The following KCNN2 variants were observed in gnomAD, a reference collection of about 807,000 sequenced individuals.
KCNN2 encodes potassium calcium-activated channel subfamily N member 2, also known as small conductance calcium-activated potassium channel protein 2.
KCNN2 carries 24 observed loss-of-function variants against 55.5 expected under a neutral mutation model. The ratio of observed to expected loss-of-function variants is 0.43; its 90% CI spans 0.31 to 0.61. KCNN2 has a LOEUF of 0.61. Among genes scored for constraint, KCNN2 ranks in the 20% least tolerant of loss-of-function variants. KCNN2 has a pLI of 0.08. For missense variants in KCNN2, 754 were observed against 853.6 expected, an observed-to-expected ratio of 0.88 and a Z score of 1.45; for synonymous variants, 431 against 336.1, an observed-to-expected ratio of 1.28 and a Z score of -3.09.
intron 2 of KCNN2, among the ~76,000 whole-genome samples, chr5:114,310,541 G>GGA (rs1357038067): frequency 1.3e-5 from 2 of 152,060 alleles, no homozygotes; most frequent in East Asian, 3.9e-4. Context: ...CAGTTCTGGG[G>GGA]GACTGTGCAG....
In KCNN2 at chr5:114,177,511, A is replaced by AT. The variant is rs1554073192; in HGVS notation, c.-270-43963dup. 5.3e-5 allele frequency among the ~76,000 whole-genome samples: 8 copies of AT among 151,286 alleles called. No individual in the cohort carries two copies. In the East Asian group the frequency reaches 7.8e-4, roughly 15 times the overall value. ...ATTCTATATATCCATATATATATAT[A>AT]TTTTTTCCATTAGCCTTGGGGGACT... is the stretch of plus-strand genomic sequence containing the variant. On this transcript the variant is annotated intron_variant, in intron 1 of 10. Transcript: ENST00000512097.
chr5:114,066,606 G>A (rs1023624543), intron 1 of KCNN2, among the ~76,000 whole-genome samples: 3 of 152,102 alleles, frequency 2.0e-5, no homozygotes, highest in Non-Finnish European at 4.4e-5. Flanking sequence ...ACGAAATCTC[G>A]CTCTGTCTCT....
At chr5:114,431,774 G>T (rs1456736776) in intron 3 of KCNN2, among the ~76,000 whole-genome samples, 2 of 151,864 alleles carry the variant, frequency 1.3e-5, no homozygotes, top group Non-Finnish European at 2.9e-5. Context: ...TTGATACATT[G>T]TATTTTCAAT....
chr5:114,241,798 ATATATACG>A (rs1561537223), intron 2 of KCNN2, among the ~76,000 whole-genome samples: 637 of 37,140 alleles, frequency 0.017, 209 homozygotes, highest in Middle Eastern at 0.058. Context: ...ATATATGTAT[ATATATACG>A]TATATATATA....
intron 2 of KCNN2, among the ~76,000 whole-genome samples, chr5:114,318,004 G>A (rs1035779820): frequency 6.6e-6 from 1 of 152,124 alleles, no homozygotes; most frequent in Non-Finnish European, 1.5e-5. Context: ...CAGTACACGT[G>A]GATGTTTATT....
chr5:114,478,619 T>C (rs1363880599), intron 5 of KCNN2, among the ~76,000 whole-genome samples: 1 of 148,956 alleles, frequency 6.7e-6, no homozygotes, highest in Non-Finnish European at 1.5e-5. Flanking sequence ...AAGGTCAAAA[T>C]GCAAGAAAAA....
chr5:114,340,769 C>G (rs1757002572), intron 2 of KCNN2, among the ~76,000 whole-genome samples: 1 of 152,124 alleles, frequency 6.6e-6, no homozygotes, highest in African/African-American at 2.4e-5. Flanking sequence ...TCAGTAGTCA[C>G]TGTACTATAG....
intron 2 of KCNN2, among the ~76,000 whole-genome samples, chr5:114,382,485 C>T (rs759421092): frequency 6.6e-6 from 1 of 152,130 alleles, no homozygotes; most frequent in South Asian, 2.1e-4. Context: ...TCTCTAGTCT[C>T]GTGTTTACTC....
At chr5:114,131,487 C>A (rs1752071248) in intron 1 of KCNN2, among the ~76,000 whole-genome samples, 1 of 152,162 alleles carries the variant, frequency 6.6e-6, no homozygotes, top group Non-Finnish European at 1.5e-5. Context: ...GCATAGTATT[C>A]CATGGTGTAT....
chr5:114,265,695 A>G (rs1325102278), intron 2 of KCNN2, among the ~76,000 whole-genome samples: 1 of 152,182 alleles, frequency 6.6e-6, no homozygotes, highest in Non-Finnish European at 1.5e-5. Context: ...TGCTAATCTT[A>G]TCCCAAGTCA....
intron 2 of KCNN2, among the ~76,000 whole-genome samples, chr5:114,399,196 TA>T (rs1458252746): frequency 6.6e-6 from 1 of 152,174 alleles, no homozygotes; most frequent in Non-Finnish European, 1.5e-5. Flanking sequence ...AGATTGCTCT[TA>T]TTATTTTAAA....
At chr5:114,125,781 T>C (rs1751918649) in intron 1 of KCNN2, among the ~76,000 whole-genome samples, 1 of 152,216 alleles carries the variant, frequency 6.6e-6, no homozygotes, top group Non-Finnish European at 1.5e-5. Context: ...TCTCCCTGTG[T>C]CTTTACAGCA....
intron 2 of KCNN2, among the ~76,000 whole-genome samples, chr5:114,384,355 A>G (rs1395714138): frequency 6.6e-6 from 1 of 152,178 alleles, no homozygotes; most frequent in Non-Finnish European, 1.5e-5. Context: ...AATATGTATT[A>G]TTTATTCTTT....
At chr5:114,215,883 T>A (rs1314840527) in intron 1 of KCNN2, among the ~76,000 whole-genome samples, 1 of 152,128 alleles carries the variant, frequency 6.6e-6, no homozygotes, top group Non-Finnish European at 1.5e-5. Context: ...GTACCTAGAA[T>A]AAGACTAAGA....
chr5:114,294,576 G>T (rs1285483377), intron 2 of KCNN2, among the ~76,000 whole-genome samples: 1 of 151,462 alleles, frequency 6.6e-6, no homozygotes, highest in Non-Finnish European at 1.5e-5. Flanking sequence ...TATAATTTCT[G>T]TTCTTTTACA....
chr5:114,097,262 G>C (rs1751277033), intron 1 of KCNN2, among the ~76,000 whole-genome samples: 1 of 152,188 alleles, frequency 6.6e-6, no homozygotes. Flanking sequence ...GGTTGGGGAG[G>C]TATTTCCCAC....
At chr5:114,468,190 A>G (rs978508032) in intron 4 of KCNN2, among the ~76,000 whole-genome samples, 1 of 151,876 alleles carries the variant, frequency 6.6e-6, no homozygotes, top group Non-Finnish European at 1.5e-5. Flanking sequence ...CTTCCTTGAA[A>G]CTTATTTATT....
intron 3 of KCNN2, among the ~76,000 whole-genome samples, chr5:114,437,010 T>A (rs1760027995): frequency 1.3e-5 from 2 of 152,078 alleles, no homozygotes; most frequent in Non-Finnish European, 2.9e-5. Context: ...TTGTGGGTTG[T>A]TTTTTTCTTA....
At chr5:114,141,824 T>G (rs578193519) in intron 1 of KCNN2, among the ~76,000 whole-genome samples, 1 of 152,326 alleles carries the variant, frequency 6.6e-6, no homozygotes, top group African/African-American at 2.4e-5. Flanking sequence ...ATCGCCATTC[T>G]AACTGGTGTG....
Sources: allele counts gnomAD v4.1 joint callset (sites outside exome capture counted in the v4.1 genomes callset), GRCh38; gene constraint gnomAD v4.1.1; transcripts MANE v1.5; gene names NCBI Gene and HGNC (gene_info 2026-07-23, HGNC 2026-07-21).